The following SLC38A2 variants were observed in gnomAD, a reference collection of about 807,000 sequenced individuals.
SLC38A2 encodes solute carrier family 38 member 2, also known as sodium-coupled neutral amino acid symporter 2.
SLC38A2 carries 11 observed loss-of-function variants against 61.5 expected under a neutral mutation model. The observed-to-expected ratio is 0.18, with a 90% CI of 0.11 to 0.30. SLC38A2 has a LOEUF of 0.30. SLC38A2 is among the 10% of genes least tolerant of loss of function. SLC38A2 has a pLI of 1.00. For synonymous variants in SLC38A2, 217 were observed against 212.5 expected, an observed-to-expected ratio of 1.02 and a Z score of -0.18; for missense variants, 522 against 600.4, an observed-to-expected ratio of 0.87 and a Z score of 1.36.
In SLC38A2 at chr12:46,362,306, A is replaced by G; in HGVS notation, c.1400T>C (p.Met467Thr). 1.2e-6 allele frequency: 2 copies of G among 1,611,524 alleles called. No individual in the cohort carries two copies. The highest frequency in any genetic ancestry group is 1.7e-6 in the Non-Finnish European group (2 of 1,178,794). ...FYIKLVKKEP[M>T]KSVQKIGALF... ...CACCCCAATCTTTTGTACAGATTTC[A>G]TAGGTTCTTTCTTCACCAACTTGAT... Residue 467 changes from methionine to threonine, a missense_variant, in exon 15 of 16, where the codon ATG becomes ACG. Met to Thr is a moderately conservative substitution (Grantham distance 81). This residue lies in a region of SLC38A2 where 309 missense variants were observed against 343.9 expected (regional missense o/e 0.90). Transcript: ENST00000256689.
rs1422300492 is a variant in SLC38A2, at chr12:46,365,095, G to A, written c.646+12C>T. The A allele has an allele frequency of 2.5e-6, 4 of 1,608,152 alleles. No individual in the cohort carries two copies. The highest frequency in any genetic ancestry group is 3.4e-6 in the Non-Finnish European group (4 of 1,175,096). ...GCTCATTTCAATTCTCTTTAGAGAT[G>A]AGTTTGCTCACCTAAATTTCTAAAC... On this transcript the variant is annotated intron_variant, in intron 8 of 15. Coordinates refer to ENST00000256689, the MANE Select transcript of SLC38A2 (RefSeq NM_018976.5).
At position 46,359,626 on chromosome 12, in the gene SLC38A2, G is replaced by T. The variant is rs571761462; in HGVS notation, c.*1485C>A. On this transcript the variant is annotated 3_prime_UTR_variant, in exon 16 of 16. Transcript: ENST00000256689. The stretch of plus-strand genomic sequence containing the variant: ...ATTTTAGACATTATGCCTGATGAGC[G>T]AAGTACCACATTATTTAATAATATA... The T allele has an allele frequency of 6.6e-6, 1 of 152,474 alleles. No homozygotes were observed. Among genetic ancestry groups the T allele is most frequent in the Non-Finnish European group, 1.5e-5 (1 of 68,024 alleles). The allele number at this position is 152,474 out of a possible 1,614,324, so 9.4% of individuals were successfully genotyped here.
chr12:46,366,619 G>A (rs1000845180), intron 7 of SLC38A2, among the ~76,000 whole-genome samples: 3 of 152,102 alleles, frequency 2.0e-5, no homozygotes, highest in African/African-American at 7.2e-5. Context: ...AAGACAGAAA[G>A]CAAGTTCTAG....
chr12:46,361,619 C>CCTTCCCAACTCTA lies in SLC38A2; in HGVS notation c.1423-411_1423-410insTAGAGTTGGGAAG, dbSNP rs545895838. Among the ~76,000 whole-genome samples the CCTTCCCAACTCTA allele has an allele frequency of 5.1e-4, 77 of 152,248 alleles. 2 individuals carry two copies. In the East Asian group the frequency reaches 0.013, roughly 26 times the overall value. Reference sequence around the variant, plus strand: ...GGAAATACTAATTCCTAAATCCTACCCTTCAATACTGCCACTATGTAATTT... The same window carrying CCTTCCCAACTCTA: ...GGAAATACTAATTCCTAAATCCTACCCTTCCCAACTCTACTTCAATACTGCCACTATGTAATTT... On this transcript the variant is annotated intron_variant, in intron 15 of 15. Coordinates refer to ENST00000256689, the MANE Select transcript of SLC38A2 (RefSeq NM_018976.5).
chr12:46,362,836 G>C (rs1275547756), intron 13 of SLC38A2, 185 bp downstream of exon 13: 15 of 958,084 alleles, frequency 1.6e-5, no homozygotes, highest in Non-Finnish European at 2.2e-5. Context: ...ATATCTTATG[G>C]TGAAAAAAAT....
Position 46,363,014 on chromosome 12 carries a change from T to G in SLC38A2, c.1179+7A>C. The G allele has an allele frequency of 6.2e-7, 1 of 1,612,374 alleles. No homozygotes were observed. Among genetic ancestry groups the G allele is most frequent in the South Asian group, 1.1e-5 (1 of 90,926 alleles). ...TCCTACTGAAAGCAGAGCAAGTGAT[T>G]ACTTACTGGGAAAATAACTACTGGT... On this transcript the variant is annotated splice_region_variant and intron_variant, in intron 13 of 15. Transcript: ENST00000256689.
chr12:46,372,356 G>A (rs901872767), intron 1 of SLC38A2, 153 bp downstream of exon 1: 3 of 230,414 alleles, frequency 1.3e-5, no homozygotes, highest in South Asian at 3.6e-4. Flanking sequence ...CGGCGGGCCA[G>A]GGTGGAAGGC....
intron 15 of SLC38A2, 198 bp downstream of exon 15, chr12:46,362,086 T>A (rs1943087545): frequency 2.0e-6 from 1 of 503,738 alleles, no homozygotes; most frequent in African/African-American, 2.0e-5. Context: ...GCAATTAATT[T>A]AAGTGTTCAT....
At chr12:46,362,994 CT>C (rs1565827207) in intron 13 of SLC38A2, 26 bp downstream of exon 13, 1 of 1,610,700 alleles carries the variant, frequency 6.2e-7, no homozygotes, top group Non-Finnish European at 8.5e-7. Context: ...CTCCTTCCTA[CT>C]GAAAGCAGAG....
intron 10 of SLC38A2, 104 bp from the exon 11 acceptor site, chr12:46,364,107 A>G (rs1327321759): frequency 1.9e-6 from 2 of 1,069,396 alleles, no homozygotes; most frequent in African/African-American, 3.2e-5. Flanking sequence ...TCAAAGCCTA[A>G]GTTTCCTTTG....
intron 4 of SLC38A2, among the ~76,000 whole-genome samples, chr12:46,368,464 G>A (rs1943161753): frequency 6.6e-6 from 1 of 152,174 alleles, no homozygotes; most frequent in Non-Finnish European, 1.5e-5. Context: ...TAGGGTAAGG[G>A]TTCTCCCTCA....
chr12:46,362,650 AT>A lies in SLC38A2; in HGVS notation c.1180-13del, dbSNP rs754149724. 1.9e-6 allele frequency: 3 copies of A among 1,556,310 alleles called. No individual in the cohort carries two copies. Among genetic ancestry groups the A allele is most frequent in the South Asian group, 2.5e-5 (2 of 79,868 alleles). ...ACAGAACTCCGGATCTGCAAAAAAA[AT>A]AAATAAAATGTATTTTAAAAATAGC... is the stretch of plus-strand genomic sequence containing the variant. On this transcript the variant is annotated splice_polypyrimidine_tract_variant and intron_variant, in intron 13 of 15. Transcript: ENST00000256689.
rs938199364 is a variant in SLC38A2, at chr12:46,367,424, T to A, written c.315-84A>T. The A allele has an allele frequency of 3.8e-6, 3 of 796,960 alleles. No homozygotes were observed. The African/African-American group carries it at 5.2e-5, about 14-fold the overall frequency. The allele number at this position is 796,960 out of a possible 1,614,324, so 49.4% of individuals were successfully genotyped here. A position where few individuals can be genotyped will look rare whatever the true frequency, so the allele number is the denominator to read the frequency against. ...ACTCTTTCTGGATGTTTAAATAACA[T>A]TATGTGTGCAACTTGTCCTATTTGT... On this transcript the variant is annotated intron_variant, in intron 4 of 15. Coordinates refer to ENST00000256689, the MANE Select transcript of SLC38A2 (RefSeq NM_018976.5).
chr12:46,371,208 G>T lies in SLC38A2; in HGVS notation c.86C>A (p.Ser29Tyr), dbSNP rs768426618. 3.1e-6 allele frequency: 5 copies of T among 1,614,118 alleles called. 1 individual carries two copies. The South Asian group carries it at 5.5e-5, about 18-fold the overall frequency. ...SYSSNSDFNY[S>Y]YPTKQAALKS... ...CAGAGCAGCTTGCTTGGTGGGGTAGGAGTAGTTGAAGTCGCTGTTGGAACT... is the reference window on the plus strand; with the variant it reads ...CAGAGCAGCTTGCTTGGTGGGGTAGTAGTAGTTGAAGTCGCTGTTGGAACT... Residue 29 changes from serine (S) to tyrosine (Y), a missense_variant, in exon 2 of 16, where the codon TCC becomes TAC. Around this residue, in one of 3 missense-constraint regions of SLC38A2, gnomAD observed 102 missense variants for 83.1 expected, o/e 1.23. Coordinates refer to ENST00000256689, the MANE Select transcript of SLC38A2 (RefSeq NM_018976.5).
Position 46,364,003 on chromosome 12 carries a change from T to C in SLC38A2, c.874A>G (p.Thr292Ala), listed in dbSNP as rs1224234268. The C allele has an allele frequency of 1.9e-6, 3 of 1,600,534 alleles. No homozygotes were observed. Among genetic ancestry groups the C allele is most frequent in the Non-Finnish European group, 2.6e-6 (3 of 1,175,076 alleles). The change falls in exon 11 of 16, where the codon ACT (threonine) becomes GCT (alanine). Residue 292 changes from threonine to alanine, a missense_variant and splice_region_variant. Coordinates refer to ENST00000256689, the MANE Select transcript of SLC38A2 (RefSeq NM_018976.5). Reference protein sequence around the residue: ...RPHYFIFNSQTVYAVPILIFS... With the variant: ...RPHYFIFNSQAVYAVPILIFS... ...ATCAGAATTGGCACAGCATAGACAG[T>C]CTGAAAGAAAACGTAAAAATCTACT... is the stretch of plus-strand genomic sequence containing the variant.
At position 46,371,308 on chromosome 12, in the gene SLC38A2, G is replaced by C; in HGVS notation, c.-15C>G. On this transcript the variant is annotated 5_prime_UTR_variant, in exon 2 of 16. Transcript: ENST00000256689. The stretch of plus-strand genomic sequence containing the variant: ...GCCTTCTTCATGCTAAGCACTGGGA[G>C]GAATCGGGTGCAGCTAGTAGCGCTG... The C allele has an allele frequency of 6.2e-7, 1 of 1,602,838 alleles. No homozygotes were observed. Among genetic ancestry groups the C allele is most frequent in the Non-Finnish European group, 8.5e-7 (1 of 1,169,684 alleles).
At chr12:46,363,612 T>TA (rs1943106935) in intron 12 of SLC38A2, 114 bp downstream of exon 12, 2 of 609,848 alleles carry the variant, frequency 3.3e-6, no homozygotes, top group Non-Finnish European at 5.6e-6. Flanking sequence ...TGAAATATAT[T>TA]AAAACAGACT....
rs1186629644 is a variant in SLC38A2 at position 46,364,710 on chromosome 12, GA to G, written c.647-9del. On this transcript the variant is annotated splice_polypyrimidine_tract_variant and intron_variant, in intron 8 of 15. Transcript: ENST00000256689. The stretch of plus-strand genomic sequence containing the variant: ...TGGTATATCCCAAATATCCTATAAG[GA>G]GGGGTGGCAGGAATCAGTATTAGTT... 4.4e-6 allele frequency: 7 copies of G among 1,602,824 alleles called. No homozygotes were observed. The highest frequency in any genetic ancestry group is 2.2e-5 in the East Asian group (1 of 44,798).
intron 12 of SLC38A2, 135 bp downstream of exon 12, chr12:46,363,591 C>T (rs908275207): frequency 9.4e-6 from 5 of 530,280 alleles, no homozygotes; most frequent in African/African-American, 8.0e-5. Context: ...TTTAATTTCT[C>T]ATCACAAATA....
Sources: allele counts gnomAD v4.1 joint callset (sites outside exome capture counted in the v4.1 genomes callset), GRCh38; gene constraint gnomAD v4.1.1; regional missense constraint gnomAD v4.1.1; transcripts MANE v1.5; gene names NCBI Gene and HGNC (gene_info 2026-07-23, HGNC 2026-07-21).